The following LAMB2 variants were observed in gnomAD, a reference collection of about 807,000 sequenced individuals.
The protein encoded by LAMB2 is laminin subunit beta-2.
Under a neutral mutation model 202.7 loss-of-function variants are expected in LAMB2, and 119 were observed. The observed-to-expected ratio is 0.59, with a 90% CI of 0.51 to 0.68. The LOEUF (loss-of-function observed/expected upper bound fraction) is 0.68. Ranked by LOEUF, LAMB2 falls within the 30% of genes least tolerant of loss-of-function variation. The pLI is 0.00. For synonymous variants in LAMB2, 818 were observed against 902.2 expected (o/e 0.91, Z 1.67); for missense variants, 2,124 against 2,410.6 (o/e 0.88, Z 2.49).
In LAMB2 at chr3:49,121,876, C is replaced by A; in HGVS notation, c.4924-16G>T. The A allele has an allele frequency of 6.2e-7, 1 of 1,613,428 alleles. No homozygotes were observed. Among genetic ancestry groups the A allele is most frequent in the Non-Finnish European group, 8.5e-7 (1 of 1,180,016 alleles). The stretch of plus-strand genomic sequence containing the variant: ...TCTCCTGTACCTGCCATGGGTGAGC[C>A]AAAGGTTACACAGATCTACGGTTCA... On this transcript the variant is annotated splice_polypyrimidine_tract_variant and intron_variant, in intron 29 of 31. Transcript: ENST00000305544.
In LAMB2 at chr3:49,121,865, C is replaced by T; in HGVS notation, c.4924-5G>A. On this transcript the variant is annotated splice_polypyrimidine_tract_variant and splice_region_variant and intron_variant, in intron 29 of 31. Coordinates refer to ENST00000305544, the MANE Select transcript of LAMB2 (RefSeq NM_002292.4). ...ACCTGCCATCCTCTCCTGTACCTGCCATGGGTGAGCCAAAGGTTACACAGA... is the reference window on the plus strand; with the variant it reads ...ACCTGCCATCCTCTCCTGTACCTGCTATGGGTGAGCCAAAGGTTACACAGA... The T allele has an allele frequency of 6.2e-7, 1 of 1,613,344 alleles. No individual in the cohort carries two copies. Among genetic ancestry groups the T allele is most frequent in the Non-Finnish European group, 8.5e-7 (1 of 1,180,030 alleles).
In LAMB2 at chr3:49,129,362, T is replaced by C. The variant is rs777766411; in HGVS notation, c.1519-38A>G. On this transcript the variant is annotated intron_variant, in intron 11 of 31. Coordinates refer to ENST00000305544, the MANE Select transcript of LAMB2 (RefSeq NM_002292.4). The surrounding 1 kb of genome is among the most constrained non-coding windows in gnomAD (Gnocchi z 6.1). Reference sequence around the variant, plus strand: ...AGTTGCTGGGGGCCAGAAACAGACCTCCAGACCCCATCACCACCCAGCAGG... The same window carrying C: ...AGTTGCTGGGGGCCAGAAACAGACCCCCAGACCCCATCACCACCCAGCAGG... 3 of 1,567,652 alleles carry C rather than the reference T, an allele frequency of 1.9e-6. No homozygotes were observed. Among genetic ancestry groups the C allele is most frequent in the East Asian group, 2.2e-5 (1 of 44,562 alleles).
rs780846125 is a variant in LAMB2 at position 49,124,014 on chromosome 3, C to T, written c.3511G>A (p.Val1171Met). 2 of 1,613,570 alleles carry T rather than the reference C, an allele frequency of 1.2e-6. No individual in the cohort carries two copies. Among genetic ancestry groups the T allele is most frequent in the Non-Finnish European group, 8.5e-7 (1 of 1,180,018 alleles). ...HCSCRPGVSG[V>M]RCDQCARGFS... is the part of the protein sequence containing the mutation. ...CCACGGGCACACTGGTCACAGCGCA[C>T]ACCAGACACCCCTGGGCGGCAGCTG... The change falls in exon 24 of 32, where the codon GTG (valine) becomes ATG (methionine). Residue 1171 changes from valine to methionine, a missense_variant. Val to Met is a conservative substitution (Grantham distance 21, BLOSUM62 1). This residue lies in a region of LAMB2 where 1,702 missense variants were observed against 1,896.3 expected (regional missense o/e 0.90). Transcript: ENST00000305544.
At chr3:49,126,245 C>T in intron 16 of LAMB2, 86 bp from the exon 17 acceptor site, 1 of 1,600,748 alleles carries the variant, frequency 6.2e-7, no homozygotes, top group Non-Finnish European at 8.5e-7. Context: ...CTGCCACAAG[C>T]CTGCCCACCC....
At position 49,130,800 on chromosome 3, in the gene LAMB2, C is replaced by A. The variant is rs1341213735; in HGVS notation, c.976G>T (p.Asp326Tyr). Residue 326 changes from aspartate to tyrosine, a missense_variant, in exon 8 of 32, where the codon GAT becomes TAT. Around this residue, in one of 3 missense-constraint regions of LAMB2, gnomAD observed 256 missense variants for 356.1 expected, o/e 0.72. Transcript: ENST00000305544. The surrounding 1 kb of genome is among the most constrained non-coding windows in gnomAD (Gnocchi z 5.0). ...CGCCAGGGCAGGTCACGATAGAAATCCTGACACTGCTCGCAGTTGAGGCCA... is the reference window on the plus strand; with the variant it reads ...CGCCAGGGCAGGTCACGATAGAAATACTGACACTGCTCGCAGTTGAGGCCA... ...TRGLNCEQCQ[D>Y]FYRDLPWRPA... 1 of 1,614,074 alleles carries A rather than the reference C, an allele frequency of 6.2e-7. No homozygotes were observed. The highest frequency in any genetic ancestry group is 1.3e-5 in the African/African-American group (1 of 74,932).
At chr3:49,125,685 G>A (rs1029782056) in intron 18 of LAMB2, 62 bp downstream of exon 18, 23 of 1,591,566 alleles carry the variant, frequency 1.4e-5, no homozygotes, top group Non-Finnish European at 2.0e-5. Context: ...CCAGAAGGAG[G>A]AGAGAGAACA....
In LAMB2 at chr3:49,125,456, G is replaced by C. The variant is rs1387015327; in HGVS notation, c.2517C>G (p.Leu839=). ...QACQCSHEGA[L]SSLCEKTSGQ... The stretch of plus-strand genomic sequence containing the variant: ...CACTGGTCTTTTCACAGAGACTGCT[G>C]AGTGCCCCCTCGTGGCTGCACTGGC... The change falls in exon 19 of 32, where the codon CTC becomes CTG. Residue 839 remains leucine, a synonymous_variant. Transcript: ENST00000305544. 1 of 1,610,902 alleles carries C rather than the reference G, an allele frequency of 6.2e-7. No individual in the cohort carries two copies. The highest frequency in any genetic ancestry group is 1.7e-5 in the Admixed American group (1 of 59,352).
chr3:49,123,705 T>C (rs1386161482), intron 24 of LAMB2, 23 bp downstream of exon 24: 1 of 1,613,578 alleles, frequency 6.2e-7, no homozygotes, highest in South Asian at 1.1e-5. Flanking sequence ...CATCCCACCA[T>C]GTATTCTTAG....
In LAMB2 at chr3:49,132,465, G is replaced by A. The variant is rs754146727; in HGVS notation, c.249+26C>T. 16 of 1,614,110 alleles carry A rather than the reference G, an allele frequency of 9.9e-6. No homozygotes were observed. The highest frequency in any genetic ancestry group is 3.3e-5 in the South Asian group (3 of 91,088). The stretch of plus-strand genomic sequence containing the variant: ...GCAGTGCCAGCCCCACCCTGACTCG[G>A]CGTCACACCCTGTCCCCAGCCACAC... On this transcript the variant is annotated intron_variant, in intron 2 of 31. Coordinates refer to ENST00000305544, the MANE Select transcript of LAMB2 (RefSeq NM_002292.4). The surrounding 1 kb of genome is among the most constrained non-coding windows in gnomAD (Gnocchi z 4.6).
rs150013302 is a variant in LAMB2 at position 49,123,851 on chromosome 3, C to A, written c.3674G>T (p.Gly1225Val). 8.1e-6 allele frequency: 13 copies of A among 1,613,338 alleles called. No individual in the cohort carries two copies. Among genetic ancestry groups the A allele is most frequent in the Non-Finnish European group, 1.1e-5 (13 of 1,179,860 alleles). ...AQELQQTGVL[G>V]AFESSFWHMQ... is the part of the protein sequence containing the mutation. ...GTGCCAGAAGCTGCTCTCAAAGGCA[C>A]CCAGCACACCCGTCTGTTGCAACTC... Residue 1225 changes from glycine (G) to valine (V), a missense_variant, in exon 24 of 32, where the codon GGT (glycine) becomes GTT (valine). By Grantham distance (109) the Gly-to-Val change is moderately radical. Coordinates refer to ENST00000305544, the MANE Select transcript of LAMB2 (RefSeq NM_002292.4).
Position 49,132,403 on chromosome 3 carries a change from G to A in LAMB2, c.252C>T (p.Asp84=), listed in dbSNP as rs750432118. 15 of 1,614,046 alleles carry A rather than the reference G, an allele frequency of 9.3e-6. No homozygotes were observed. The highest frequency in any genetic ancestry group is 3.3e-5 in the South Asian group (3 of 91,094). ...QPYCIVSHLQ[D]EKKCFLCDSR... is the part of the protein sequence containing the mutation. ...AGTCACAAAGGAAGCACTTCTTTTC[G>A]TCCTGGGTTGGATGGGGATTAGAAT... is the stretch of plus-strand genomic sequence containing the variant. The change falls in exon 3 of 32, where the codon GAC becomes GAT. Residue 84 remains aspartate (D), a splice_region_variant and synonymous_variant. Transcript: ENST00000305544. The surrounding 1 kb of genome is among the most constrained non-coding windows in gnomAD (Gnocchi z 4.6).
intron 15 of LAMB2, among the ~76,000 whole-genome samples, chr3:49,128,212 G>C (rs926186143): frequency 6.6e-6 from 1 of 152,160 alleles, no homozygotes; most frequent in African/African-American, 2.4e-5. Flanking sequence ...GTGACACCAG[G>C]TGATTTCCCA....
intron 15 of LAMB2, among the ~76,000 whole-genome samples, chr3:49,127,830 C>G (rs911336525): frequency 6.6e-6 from 1 of 151,830 alleles, no homozygotes; most frequent in Non-Finnish European, 1.5e-5. Flanking sequence ...GCCATCCTGG[C>G]CAACATGGTG....
rs2045469721 is a variant in LAMB2 at position 49,130,564 on chromosome 3, C to T, written c.1037-145G>A. Reference sequence around the variant, plus strand: ...TCAAGGCCTCAGCATCATACTGGTTCCCTACCCAGAGCAGACTGCAGAGGA... The same window carrying T: ...TCAAGGCCTCAGCATCATACTGGTTTCCTACCCAGAGCAGACTGCAGAGGA... On this transcript the variant is annotated intron_variant, in intron 8 of 31. Transcript: ENST00000305544. The surrounding 1 kb of genome is among the most constrained non-coding windows in gnomAD (Gnocchi z 5.0). The T allele has an allele frequency of 2.2e-5, 29 of 1,339,166 alleles. No individual in the cohort carries two copies. The South Asian group carries it at 3.2e-4, about 15-fold the overall frequency. 83.0% of individuals were successfully genotyped at this position (1,339,166 alleles called of 1,614,324 possible). A position where few individuals can be genotyped will look rare whatever the true frequency, so the allele number is the denominator to read the frequency against.
Position 49,125,179 on chromosome 3 carries a change from G to A in LAMB2, c.2721-10C>T, listed in dbSNP as rs747925923. On this transcript the variant is annotated splice_polypyrimidine_tract_variant and intron_variant, in intron 19 of 31. Coordinates refer to ENST00000305544, the MANE Select transcript of LAMB2 (RefSeq NM_002292.4). Reference sequence around the variant, plus strand: ...GAAACCAGCAATGCACCTGCAGGGAGGAGGAAGAAGAAATGTGTCATCCCT... The same window carrying A: ...GAAACCAGCAATGCACCTGCAGGGAAGAGGAAGAAGAAATGTGTCATCCCT... 3 of 1,613,562 alleles carry A rather than the reference G, an allele frequency of 1.9e-6. No homozygotes were observed. In the Admixed American group the frequency reaches 5.0e-5, roughly 27 times the overall value.
chr3:49,126,812 G>A (rs573289989), intron 15 of LAMB2, among the ~76,000 whole-genome samples: 6 of 152,068 alleles, frequency 3.9e-5, no homozygotes, highest in East Asian at 1.9e-4. Context: ...CTCTGACCCC[G>A]ACCTACAACC....
chr3:49,121,430 T>C lies in LAMB2; in HGVS notation c.5260+3A>G, dbSNP rs551470810. On this transcript the variant is annotated splice_donor_region_variant and intron_variant, in intron 31 of 31. Transcript: ENST00000305544. ...CTTGTGTCTCTGGTGCCCCATTTCT[T>C]ACCCTGTAGCCGCTGCAGCTTGTCC... 6.2e-7 allele frequency: 1 copy of C among 1,614,082 alleles called. No individual in the cohort carries two copies. Among genetic ancestry groups the C allele is most frequent in the Non-Finnish European group, 8.5e-7 (1 of 1,180,042 alleles).
In LAMB2 at chr3:49,130,827, G is replaced by A. The variant is rs139670781; in HGVS notation, c.949C>T (p.Arg317Cys). 7.4e-6 allele frequency: 12 copies of A among 1,614,084 alleles called. No individual in the cohort carries two copies. Among genetic ancestry groups the A allele is most frequent in the African/African-American group, 4.0e-5 (3 of 74,926 alleles). Reference protein sequence around the residue: ...HGACICKHNTRGLNCEQCQDF... With the variant: ...HGACICKHNTCGLNCEQCQDF... ...TGACACTGCTCGCAGTTGAGGCCAC[G>A]TGTGTTGTGTTTGCAGATGCAAGCT... The change falls in exon 8 of 32, where the codon CGT becomes TGT. Residue 317 changes from arginine (R) to cysteine (C), a missense_variant. Physicochemically the swap from Arg to Cys is radical, Grantham distance 180. This residue lies in a region of LAMB2 where 256 missense variants were observed against 356.1 expected (regional missense o/e 0.72). Coordinates refer to ENST00000305544, the MANE Select transcript of LAMB2 (RefSeq NM_002292.4). The surrounding 1 kb of genome is among the most constrained non-coding windows in gnomAD (Gnocchi z 5.0).
At chr3:49,124,335 C>T (rs766742393) in intron 22 of LAMB2, 49 bp from the exon 23 acceptor site, 8 of 1,613,334 alleles carry the variant, frequency 5.0e-6, no homozygotes, top group Non-Finnish European at 6.8e-6. Context: ...AGGCTAAGCC[C>T]TGGAGATAAG....
Sources: gnomAD v4.1 joint callset for allele counts (sites outside exome capture counted in the v4.1 genomes callset) on GRCh38, gnomAD v4.1.1 for gene constraint, gnomAD v4.1.1 regional missense constraint, Gnocchi (gnomAD v3.1) non-coding constraint, MANE v1.5 for transcripts, NCBI Gene and HGNC (gene_info 2026-07-23, HGNC 2026-07-21) for gene names.